The following SF3B3 variants were observed in gnomAD, a reference collection of about 807,000 sequenced individuals.
The protein encoded by SF3B3 is SAP 130.
SF3B3 carries 33 observed loss-of-function variants against 139.2 expected under a neutral mutation model. The observed-to-expected ratio is 0.24, with a 90% confidence interval of 0.18 to 0.32. The LOEUF (loss-of-function observed/expected upper bound fraction) is 0.32, where lower values mean the gene tolerates loss of function less well. SF3B3 is among the 10% of genes least tolerant of loss of function. The pLI, the probability that SF3B3 is intolerant of heterozygous loss-of-function variation, is 1.00. For missense variants in SF3B3, 818 were observed against 1,509.4 expected (o/e 0.54, Z 7.59); for synonymous variants, 596 against 563.6 (o/e 1.06, Z -0.81).
intron 11 of SF3B3, among the ~76,000 whole-genome samples, chr16:70,552,544 A>G (rs2050337470): frequency 2.0e-5 from 3 of 152,344 alleles, no homozygotes; most frequent in South Asian, 4.1e-4. Context: ...AGACGTTCCC[A>G]AAGCATTTGA....
intron 8 of SF3B3, among the ~76,000 whole-genome samples, chr16:70,541,145 AGTG>A: frequency 6.6e-6 from 1 of 152,210 alleles, no homozygotes; most frequent in Admixed American, 6.5e-5. Context: ...CTAAGTATGC[AGTG>A]GTGGTATGAA....
In SF3B3 at chr16:70,572,519, C is replaced by T. The variant is rs1174021999; in HGVS notation, c.*706C>T. ...ATGACCTCAATAACCATGTGTATAC[C>T]CACCCCTCTTCCCACTGGGTATTGA... is the stretch of plus-strand genomic sequence containing the variant. On this transcript the variant is annotated 3_prime_UTR_variant, in exon 26 of 26. Transcript: ENST00000302516. 1 of 157,512 alleles carries T rather than the reference C, an allele frequency of 6.3e-6. No homozygotes were observed. The highest frequency in any genetic ancestry group is 1.4e-5 in the Non-Finnish European group (1 of 71,900). The allele number at this position is 157,512 out of a possible 1,614,324, so 9.8% of individuals were successfully genotyped here. A position where few individuals can be genotyped will look rare whatever the true frequency, so the allele number is the denominator to read the frequency against.
At chr16:70,531,404 A>G (rs954304361) in intron 4 of SF3B3, among the ~76,000 whole-genome samples, 1 of 151,914 alleles carries the variant, frequency 6.6e-6, no homozygotes, top group Non-Finnish European at 1.5e-5. Flanking sequence ...CAGCCTCCTG[A>G]GTAGCTGGGA....
At chr16:70,547,102 C>CT (rs2050276491) in intron 10 of SF3B3, among the ~76,000 whole-genome samples, 2 of 152,216 alleles carry the variant, frequency 1.3e-5, no homozygotes, top group South Asian at 4.1e-4. Flanking sequence ...ACCTTGTTGT[C>CT]TAACTAGATT....
rs2050550729 is a variant in SF3B3 at position 70,573,710 on chromosome 16, G to C, written c.*1897G>C. ...TCCTGTGGTTTGATTGAGCAACCAG[G>C]TAAATAGAGACCTCTCTCCAGCTTT... On this transcript the variant is annotated 3_prime_UTR_variant, in exon 26 of 26. Transcript: ENST00000302516. 1.3e-5 allele frequency: 2 copies of C among 152,344 alleles called. No homozygotes were observed. Among genetic ancestry groups the C allele is most frequent in the East Asian group, 1.9e-4 (1 of 5,188 alleles). The allele number at this position is 152,344 out of a possible 1,614,324, so 9.4% of individuals were successfully genotyped here.
intron 5 of SF3B3, among the ~76,000 whole-genome samples, chr16:70,534,680 C>T (rs1184455523): frequency 1.3e-5 from 2 of 152,020 alleles, no homozygotes; most frequent in South Asian, 4.1e-4. Context: ...TATTTATTTA[C>T]GTTCTTGAGA....
At chr16:70,524,790 C>G (rs2050037539) in intron 1 of SF3B3, 1 of 152,426 alleles carries the variant, frequency 6.6e-6, no homozygotes, top group Admixed American at 6.5e-5. Context: ...ACGCCATTCT[C>G]CTGCCTCAGC....
At chr16:70,525,617 C>T (rs553389354) in intron 1 of SF3B3, among the ~76,000 whole-genome samples, 1 of 152,068 alleles carries the variant, frequency 6.6e-6, no homozygotes, top group East Asian at 1.9e-4. Context: ...CCTGGTCTTT[C>T]AACATCGGTC....
In SF3B3 at chr16:70,561,107, G is replaced by A. The variant is rs112615940; in HGVS notation, c.2133+516G>A. Among the ~76,000 whole-genome samples the A allele has an allele frequency of 6.6e-3, 1,004 of 152,080 alleles. 13 individuals are homozygous for A. Among genetic ancestry groups the A allele is most frequent in the African/African-American group, 0.023 (940 of 41,472 alleles). Reference sequence around the variant, plus strand: ...GCAAGCTTGGCTCACTGCAACCTCCGCCTCCTGGGTTCAACCAATTGTCTT... The same window carrying A: ...GCAAGCTTGGCTCACTGCAACCTCCACCTCCTGGGTTCAACCAATTGTCTT... On this transcript the variant is annotated intron_variant, in intron 16 of 25. Coordinates refer to ENST00000302516, the MANE Select transcript of SF3B3 (RefSeq NM_012426.5).
At chr16:70,549,092 A>G (rs1221183132) in intron 11 of SF3B3, among the ~76,000 whole-genome samples, 1 of 152,220 alleles carries the variant, frequency 6.6e-6, no homozygotes, top group Non-Finnish European at 1.5e-5. Context: ...TTGCAGCCTC[A>G]TAGAAAGAAA....
chr16:70,565,723 A>G (rs994938946), intron 20 of SF3B3, 199 bp downstream of exon 20: 2 of 570,736 alleles, frequency 3.5e-6, no homozygotes, highest in African/African-American at 1.9e-5. Context: ...CTTTGTGCTA[A>G]CCATCCATAA....
intron 10 of SF3B3, 92 bp from the exon 11 acceptor site, chr16:70,548,278 C>T (rs935738208): frequency 7.8e-6 from 8 of 1,030,706 alleles, no homozygotes; most frequent in Non-Finnish European, 1.2e-5. Context: ...GTTGTGAACC[C>T]TGCCTTTGAG....
At chr16:70,569,341 CCT>C in intron 23 of SF3B3, among the ~76,000 whole-genome samples, 200 bp downstream of exon 23, 1 of 152,308 alleles carries the variant, frequency 6.6e-6, no homozygotes, top group East Asian at 1.9e-4. Context: ...CATTCCCAGT[CCT>C]CTGCTCTGAG....
chr16:70,548,361 T>C lies in SF3B3; in HGVS notation c.1330-9T>C. Reference sequence around the variant, plus strand: ...CACTGGATCTGTGGCTTCCCTCTTCTCCTGTCAGGTGTCAGAAATGGCTGT... The same window carrying C: ...CACTGGATCTGTGGCTTCCCTCTTCCCCTGTCAGGTGTCAGAAATGGCTGT... On this transcript the variant is annotated splice_polypyrimidine_tract_variant and intron_variant, in intron 10 of 25. Coordinates refer to ENST00000302516, the MANE Select transcript of SF3B3 (RefSeq NM_012426.5). 1 of 1,613,518 alleles carries C rather than the reference T, an allele frequency of 6.2e-7. No individual in the cohort carries two copies. The highest frequency in any genetic ancestry group is 8.5e-7 in the Non-Finnish European group (1 of 1,179,438).
chr16:70,546,984 C>CGCCATT lies in SF3B3; in HGVS notation c.1330-1383_1330-1378dup, dbSNP rs573115122. 3.2e-3 allele frequency among the ~76,000 whole-genome samples: 479 copies of CGCCATT among 152,006 alleles called. 2 individuals carry two copies. Among genetic ancestry groups the CGCCATT allele is most frequent in the Non-Finnish European group, 5.3e-3 (359 of 67,982 alleles). ...TGGAGCTTGCAGTGAGCCAAGATCG[C>CGCCATT]GCCATTGCACTCGAGCCTGGGCGAC... On this transcript the variant is annotated intron_variant, in intron 10 of 25. Coordinates refer to ENST00000302516, the MANE Select transcript of SF3B3 (RefSeq NM_012426.5).
rs968846335 is a variant in SF3B3 at position 70,565,812 on chromosome 16, G to A, written c.2826+288G>A. 2.6e-5 allele frequency: 8 copies of A among 312,706 alleles called. No individual in the cohort carries two copies. In the Admixed American group the frequency reaches 3.1e-4, roughly 12 times the overall value. The allele number at this position is 312,706 out of a possible 1,614,324, so 19.4% of individuals were successfully genotyped here. On this transcript the variant is annotated intron_variant, in intron 20 of 25. Transcript: ENST00000302516. ...GGCAACAATTTGTGACCAAAATTCA[G>A]CAGTTTAAATAATTAATATTCTGGC...
At chr16:70,548,499 G>A (rs1371183324) in intron 11 of SF3B3, 57 bp downstream of exon 11, 1 of 1,415,722 alleles carries the variant, frequency 7.1e-7, no homozygotes, top group Non-Finnish European at 1.0e-6. Context: ...TGACATAGAA[G>A]GCTTGAAAGG....
chr16:70,538,442 G>A lies in SF3B3; in HGVS notation c.945G>A (p.Leu315=), dbSNP rs778503784. ...AGGGAGATATCTTTAAGATCACTTT[G>A]GAGACAGATGAAGATATGGTAAGTA... ...TEQGDIFKIT[L]ETDEDMVTEI... is the part of the protein sequence containing the mutation. The change falls in exon 7 of 26, where the codon TTG becomes TTA. Residue 315 remains leucine, a synonymous_variant. Coordinates refer to ENST00000302516, the MANE Select transcript of SF3B3 (RefSeq NM_012426.5). 3 of 1,613,724 alleles carry A rather than the reference G, an allele frequency of 1.9e-6. No homozygotes were observed. The highest frequency in any genetic ancestry group is 1.7e-5 in the Admixed American group (1 of 59,988).
At chr16:70,536,158 C>T (rs1489903585) in intron 6 of SF3B3, among the ~76,000 whole-genome samples, 1 of 151,360 alleles carries the variant, frequency 6.6e-6, no homozygotes, top group Non-Finnish European at 1.5e-5. Flanking sequence ...CAGGATATTT[C>T]CCTCTCACCT....
Sources: gnomAD v4.1 joint callset for allele counts (sites outside exome capture counted in the v4.1 genomes callset) on GRCh38, gnomAD v4.1.1 for gene constraint, MANE v1.5 for transcripts, NCBI Gene and HGNC (gene_info 2026-07-23, HGNC 2026-07-21) for gene names.